The following PCDHGA4 variants were observed in gnomAD, a reference collection of about 807,000 sequenced individuals.
The protein encoded by PCDHGA4 is protocadherin gamma-A4.
In PCDHGA4, 38 loss-of-function variants were observed where a neutral mutation model predicts 54.6. The observed-to-expected ratio is 0.70, with a 90% CI of 0.54 to 0.91. PCDHGA4 has a LOEUF of 0.91. Among genes scored for constraint, PCDHGA4 ranks in the 40% least tolerant of loss-of-function variants. The pLI is 0.00. For synonymous variants in PCDHGA4, 511 were observed against 512.9 expected (o/e 1.00, Z 0.05); for missense variants, 1,298 against 1,220.9 (o/e 1.06, Z -0.94).
rs201279747 is a variant in PCDHGA4, at chr5:141,414,931, G to A, written c.2514+57310G>A. On this transcript the variant is annotated intron_variant, in intron 1 of 3. Coordinates refer to ENST00000571252, the MANE Select transcript of PCDHGA4 (RefSeq NM_018917.4). ...AGGCGTGGAGCTGGCGCCCCGCTCC[G>A]CAGAGCCCGGCTACCTGGTGACCAA... 123 of 1,614,120 alleles carry A rather than the reference G, an allele frequency of 7.6e-5. No homozygotes were observed. In the East Asian group the frequency reaches 2.5e-3, roughly 33 times the overall value.
rs1051300319 is a variant in PCDHGA4 at position 141,491,957 on chromosome 5, A to T, written c.2515-2850A>T. ...GACCGACCCCCACCCCTACACTCAA[A>T]AAAGGCCGGGGCCTCCTTCGAGCTT... is the stretch of plus-strand genomic sequence containing the variant. On this transcript the variant is annotated intron_variant, in intron 1 of 3. Coordinates refer to ENST00000571252, the MANE Select transcript of PCDHGA4 (RefSeq NM_018917.4). The surrounding 1 kb of genome is among the most constrained non-coding windows in gnomAD (Gnocchi z 6.9). 3.6e-5 allele frequency: 37 copies of T among 1,020,096 alleles called. No individual in the cohort carries two copies. The highest frequency in any genetic ancestry group is 5.0e-5 in the Non-Finnish European group (37 of 736,248). The allele number at this position is 1,020,096 out of a possible 1,614,324, so 63.2% of individuals were successfully genotyped here.
intron 1 of PCDHGA4, chr5:141,421,800 G>A: frequency 6.2e-7 from 1 of 1,613,846 alleles, no homozygotes; most frequent in Non-Finnish European, 8.5e-7. Context: ...ATGGGGCCAA[G>A]AATCCAGAGC....
intron 1 of PCDHGA4, chr5:141,492,046 A>C: frequency 6.1e-6 from 3 of 494,434 alleles, no homozygotes; most frequent in South Asian, 8.1e-5. Flanking sequence ...TCACAGATCC[A>C]CCCCTGCAGC....
chr5:141,485,561 G>A lies in PCDHGA4; in HGVS notation c.2515-9246G>A. 1.9e-6 allele frequency: 3 copies of A among 1,613,008 alleles called. No homozygotes were observed. The highest frequency in any genetic ancestry group is 1.1e-5 in the South Asian group (1 of 91,026). ...AGAGATCGTAGATGTGAATGATCACGCCCCCCGTTTTCCGCGGCAGCAGCT... is the reference window on the plus strand; with the variant it reads ...AGAGATCGTAGATGTGAATGATCACACCCCCCGTTTTCCGCGGCAGCAGCT... On this transcript the variant is annotated intron_variant, in intron 1 of 3. Transcript: ENST00000571252. The surrounding 1 kb of genome is among the most constrained non-coding windows in gnomAD (Gnocchi z 5.7).
At chr5:141,435,447 A>C (rs2097764160) in intron 1 of PCDHGA4, among the ~76,000 whole-genome samples, 1 of 152,168 alleles carries the variant, frequency 6.6e-6, no homozygotes, top group Non-Finnish European at 1.5e-5. Context: ...CATTAATACG[A>C]TATCTGTATG....
chr5:141,477,705 G>A lies in PCDHGA4; in HGVS notation c.2515-17102G>A, dbSNP rs1285254654. On this transcript the variant is annotated intron_variant, in intron 1 of 3. Coordinates refer to ENST00000571252, the MANE Select transcript of PCDHGA4 (RefSeq NM_018917.4). The surrounding 1 kb of genome is among the most constrained non-coding windows in gnomAD (Gnocchi z 4.9). ...TTAGTGCCCCTAGACTATGAGGATCGGCGGGAATTTGAATTAACAGCTCAT... is the reference window on the plus strand; with the variant it reads ...TTAGTGCCCCTAGACTATGAGGATCAGCGGGAATTTGAATTAACAGCTCAT... The A allele has an allele frequency of 6.2e-7, 1 of 1,614,008 alleles. No homozygotes were observed. Among genetic ancestry groups the A allele is most frequent in the Non-Finnish European group, 8.5e-7 (1 of 1,180,048 alleles).
In PCDHGA4 at chr5:141,383,779, C is replaced by G. The variant is rs1779468390; in HGVS notation, c.2514+26158C>G. 1 of 1,614,002 alleles carries G rather than the reference C, an allele frequency of 6.2e-7. No homozygotes were observed. ...TCCTAAACTTCCAAAGATGTTTCATCTGAACTCGCTTACAGGAGAAATATC... is the reference window on the plus strand; with the variant it reads ...TCCTAAACTTCCAAAGATGTTTCATGTGAACTCGCTTACAGGAGAAATATC... On this transcript the variant is annotated intron_variant, in intron 1 of 3. Coordinates refer to ENST00000571252, the MANE Select transcript of PCDHGA4 (RefSeq NM_018917.4).
chr5:141,362,460 TC>T (rs755603775), intron 1 of PCDHGA4: 4 of 1,614,026 alleles, frequency 2.5e-6, no homozygotes, highest in Non-Finnish European at 3.4e-6. Context: ...CGGAATTGGT[TC>T]CCGCGCAAGA....
intron 2 of PCDHGA4, among the ~76,000 whole-genome samples, chr5:141,496,565 T>C (rs2099769541): frequency 6.6e-6 from 1 of 152,136 alleles, no homozygotes; most frequent in African/African-American, 2.4e-5. Context: ...CACAGTCCTG[T>C]CACCCATTTT....
In PCDHGA4 at chr5:141,489,661, C is replaced by T. The variant is rs756803543; in HGVS notation, c.2515-5146C>T. 36 of 1,614,146 alleles carry T rather than the reference C, an allele frequency of 2.2e-5. 1 individual carries two copies. Among genetic ancestry groups the T allele is most frequent in the South Asian group, 5.5e-5 (5 of 91,090 alleles). ...CTTTGCCACCCCTGAGCGAGAGATG[C>T]GCATCTCAGAATCAGCAGCATCTGG... On this transcript the variant is annotated intron_variant, in intron 1 of 3. Coordinates refer to ENST00000571252, the MANE Select transcript of PCDHGA4 (RefSeq NM_018917.4). The surrounding 1 kb of genome is among the most constrained non-coding windows in gnomAD (Gnocchi z 4.5).
In PCDHGA4 at chr5:141,365,508, A is replaced by G. The variant is rs781290416; in HGVS notation, c.2514+7887A>G. On this transcript the variant is annotated intron_variant, in intron 1 of 3. Transcript: ENST00000571252. Reference sequence around the variant, plus strand: ...TCTATTCCTAGGAATTTGCCTTTTAAATTGGAGAAGTCAGTTGATAATTAC... The same window carrying G: ...TCTATTCCTAGGAATTTGCCTTTTAGATTGGAGAAGTCAGTTGATAATTAC... The G allele has an allele frequency of 2.2e-5, 35 of 1,613,930 alleles. No homozygotes were observed. The South Asian group carries it at 3.8e-4, about 18-fold the overall frequency.
rs1369690575 is a variant in PCDHGA4, at chr5:141,357,368, G to A, written c.2261G>A (p.Arg754His). 5.0e-6 allele frequency: 8 copies of A among 1,614,036 alleles called. No individual in the cohort carries two copies. In the South Asian group the frequency reaches 6.6e-5, roughly 13 times the overall value. The change falls in exon 1 of 4, where the codon CGC becomes CAC. Residue 754 changes from arginine (R) to histidine (H), a missense_variant. By Grantham distance (29) the Arg-to-His change is conservative (BLOSUM62 0). Coordinates refer to ENST00000571252, the MANE Select transcript of PCDHGA4 (RefSeq NM_018917.4). Reference protein sequence around the residue: ...ALKLRRWHKSRLLHAEGSRLA... With the variant: ...ALKLRRWHKSHLLHAEGSRLA... ...AAGCTGAGACGCTGGCACAAGTCAC[G>A]CCTGCTTCACGCTGAAGGCAGCAGG... is the stretch of plus-strand genomic sequence containing the variant.
intron 1 of PCDHGA4, chr5:141,383,326 A>G: frequency 6.2e-7 from 1 of 1,614,030 alleles, no homozygotes; most frequent in Non-Finnish European, 8.5e-7. Flanking sequence ...TGTAAAAATA[A>G]TGGAGAATAC....
intron 1 of PCDHGA4, chr5:141,419,582 T>A (rs1474193256): frequency 6.2e-7 from 1 of 1,611,894 alleles, no homozygotes. Context: ...CTCCGCGCTC[T>A]TCGACACAGT....
intron 1 of PCDHGA4, chr5:141,390,342 G>A (rs1484978612): frequency 6.3e-7 from 1 of 1,581,534 alleles, no homozygotes; most frequent in Non-Finnish European, 8.6e-7. Context: ...ATATTCACAA[G>A]AAAATATACA....
intron 1 of PCDHGA4, chr5:141,360,426 G>A (rs763572902): frequency 2.5e-6 from 4 of 1,614,000 alleles, no homozygotes; most frequent in Non-Finnish European, 2.5e-6. Flanking sequence ...AGATATGCGG[G>A]AAGCAGCCTC....
At chr5:141,388,625 C>T (rs1417837696) in intron 1 of PCDHGA4, 2 of 1,613,794 alleles carry the variant, frequency 1.2e-6, no homozygotes, top group Non-Finnish European at 1.7e-6. Context: ...AAGACGTATA[C>T]AGGGTGAGCC....
At chr5:141,371,628 C>A (rs1247615659) in intron 1 of PCDHGA4, 2 of 1,614,008 alleles carry the variant, frequency 1.2e-6, no homozygotes, top group South Asian at 1.1e-5. Context: ...AGCCCTGGAC[C>A]GGGAGCAGAT....
intron 1 of PCDHGA4, among the ~76,000 whole-genome samples, chr5:141,456,907 G>A (rs1430292511): frequency 6.6e-6 from 1 of 152,108 alleles, no homozygotes; most frequent in Non-Finnish European, 1.5e-5. Flanking sequence ...AGGTTGCAGT[G>A]AGCCGAGATC....
Sources: allele counts gnomAD v4.1 joint callset (sites outside exome capture counted in the v4.1 genomes callset), GRCh38; gene constraint gnomAD v4.1.1; non-coding constraint Gnocchi (gnomAD v3.1); transcripts MANE v1.5; gene names NCBI Gene and HGNC (gene_info 2026-07-23, HGNC 2026-07-21).